Variants in CSN2 observed in about 807,000 individuals in gnomAD.
CSN2 encodes beta-casein.
In CSN2, 27 loss-of-function variants were observed where a neutral mutation model predicts 27.3. The ratio of observed to expected loss-of-function variants is 0.99; its 90% CI spans 0.73 to 1.36. CSN2 has a LOEUF of 1.36. Ranked by LOEUF, CSN2 falls within the 40% of genes most tolerant of loss-of-function variation. The pLI is 0.00. For synonymous variants in CSN2, 131 were observed against 94.8 expected (o/e 1.38, Z -2.22); for missense variants, 333 against 264.5 (o/e 1.26, Z -1.80).
chr4:69,959,684 C>A (rs2109744332), intron 3 of CSN2, among the ~76,000 whole-genome samples: 1 of 152,186 alleles, frequency 6.6e-6, no homozygotes, highest in East Asian at 1.9e-4. Flanking sequence ...TTAACTATCA[C>A]TGGCATCTCT....
chr4:69,957,281 G>A lies in CSN2; in HGVS notation c.668C>T (p.Pro223Leu). The A allele has an allele frequency of 6.5e-7, 1 of 1,542,948 alleles. No homozygotes were observed. Among genetic ancestry groups the A allele is most frequent in the Non-Finnish European group, 8.7e-7 (1 of 1,144,664 alleles). ...VTQPLAPVHN[P>L]ISV ...CAGTAAATTTGGACTTACACTAATG[G>A]GGTTATGAACTGGGGCAAGTGGCTG... Residue 223 changes from proline (P) to leucine (L), a missense_variant, in exon 6 of 8, where the codon CCC becomes CTC. Physicochemically the swap from Pro to Leu is moderately conservative, Grantham distance 98. Transcript: ENST00000353151.
chr4:69,957,178 T>A, intron 6 of CSN2, 96 bp downstream of exon 6: 1 of 1,252,630 alleles, frequency 8.0e-7, no homozygotes, highest in Non-Finnish European at 1.1e-6. Context: ...TTATCTAAAC[T>A]GTTTTTTTAA....
intron 1 of CSN2, among the ~76,000 whole-genome samples, chr4:69,962,204 G>T (rs937132457): frequency 6.6e-6 from 1 of 152,082 alleles, no homozygotes; most frequent in African/African-American, 2.4e-5. Context: ...AGCTACCAAT[G>T]ACTTTCTTCA....
In CSN2 at chr4:69,959,097, G is replaced by A. The variant is rs764077693; in HGVS notation, c.79-28C>T. ...ACAGAAAAATATAAAATAAAATTAG[G>A]TTTAGTTTTAACAATTCTTACTTTG... is the stretch of plus-strand genomic sequence containing the variant. On this transcript the variant is annotated intron_variant, in intron 3 of 7. Coordinates refer to ENST00000353151, the MANE Select transcript of CSN2 (RefSeq NM_001891.4). 5 of 1,275,966 alleles carry A rather than the reference G, an allele frequency of 3.9e-6. No individual in the cohort carries two copies. The East Asian group carries it at 1.0e-4, about 26-fold the overall frequency. 79.0% of individuals were successfully genotyped at this position (1,275,966 alleles called of 1,614,324 possible). A position where few individuals can be genotyped will look rare whatever the true frequency, so the allele number is the denominator to read the frequency against.
rs139725489 is a variant in CSN2, at chr4:69,957,753, A to G, written c.196T>C (p.Tyr66His). Residue 66 changes from tyrosine to histidine, a missense_variant, in exon 6 of 8, where the codon TAT becomes CAT. Physicochemically the swap from Tyr to His is moderately conservative, Grantham distance 83 (BLOSUM62 2). Coordinates refer to ENST00000353151, the MANE Select transcript of CSN2 (RefSeq NM_001891.4). ...YPSFQPQPLI[Y>H]PFVEPIPYGF... ...TAGGGGATAGGTTCAACGAATGGAT[A>G]GATCAGAGGCTGTGGCTGGAAAGAG... 2.9e-5 allele frequency: 47 copies of G among 1,613,858 alleles called. No homozygotes were observed. Among genetic ancestry groups the G allele is most frequent in the African/African-American group, 9.3e-5 (7 of 74,918 alleles).
At chr4:69,962,012 A>T (rs188411973) in intron 1 of CSN2, among the ~76,000 whole-genome samples, 1 of 152,200 alleles carries the variant, frequency 6.6e-6, no homozygotes, top group African/African-American at 2.4e-5. Context: ...AATCCCTAGG[A>T]ATCCAACTTA....
chr4:69,964,295 T>C (rs1723720697), intron 1 of CSN2, among the ~76,000 whole-genome samples: 1 of 152,140 alleles, frequency 6.6e-6, no homozygotes, highest in Admixed American at 6.6e-5. Flanking sequence ...TTGTGAAATA[T>C]ATGTTAATAT....
At chr4:69,961,087 T>G in intron 1 of CSN2, 80 bp from the exon 2 acceptor site, 1 of 857,696 alleles carries the variant, frequency 1.2e-6, no homozygotes, top group Non-Finnish European at 1.8e-6. Context: ...TTACTTTTTA[T>G]AAAACAAAAA....
chr4:69,956,689 C>CT (rs1045676493), intron 6 of CSN2, among the ~76,000 whole-genome samples: 6 of 151,818 alleles, frequency 4.0e-5, no homozygotes, highest in South Asian at 2.1e-4. Context: ...CATTTTTTAG[C>CT]TTTTTTTTCC....
At chr4:69,962,120 G>A (rs555716934) in intron 1 of CSN2, among the ~76,000 whole-genome samples, 13 of 152,200 alleles carry the variant, frequency 8.5e-5, no homozygotes, top group African/African-American at 2.9e-4. Flanking sequence ...CATGCTCATG[G>A]GTAGGAAGAA....
At chr4:69,958,175 A>G (rs1478477668) in intron 5 of CSN2, among the ~76,000 whole-genome samples, 1 of 152,148 alleles carries the variant, frequency 6.6e-6, no homozygotes, top group East Asian at 1.9e-4. Context: ...AATTGTTTTC[A>G]TACAGTGAAA....
At chr4:69,960,811 A>G in intron 2 of CSN2, 134 bp downstream of exon 2, 1 of 706,288 alleles carries the variant, frequency 1.4e-6, no homozygotes, top group South Asian at 2.3e-5. Flanking sequence ...AATGATTTTG[A>G]TAGAAGCCAA....
chr4:69,963,608 GAT>G (rs1723685359), intron 1 of CSN2, among the ~76,000 whole-genome samples: 1 of 151,918 alleles, frequency 6.6e-6, no homozygotes, highest in African/African-American at 2.4e-5. Context: ...AGTGGGGAGG[GAT>G]AGCATTAGGA....
At chr4:69,960,187 G>C in intron 2 of CSN2, 108 bp from the exon 3 acceptor site, 1 of 944,844 alleles carries the variant, frequency 1.1e-6, no homozygotes, top group Non-Finnish European at 1.7e-6. Flanking sequence ...CACCTCAGAG[G>C]ATGCATTGGA....
At chr4:69,960,447 G>A (rs1723537487) in intron 2 of CSN2, among the ~76,000 whole-genome samples, 2 of 150,524 alleles carry the variant, frequency 1.3e-5, no homozygotes. Context: ...TAAAAGAAGA[G>A]TCACTTTAAT....
intron 1 of CSN2, among the ~76,000 whole-genome samples, chr4:69,965,453 A>T (rs965659519): frequency 1.2e-4 from 14 of 121,406 alleles, no homozygotes; most frequent in Non-Finnish European, 2.1e-4. Context: ...TATGCATAAA[A>T]TTAGCTATTA....
At position 69,957,391 on chromosome 4, in the gene CSN2, G is replaced by A; in HGVS notation, c.558C>T (p.Tyr186=). ...CTTGAACAGGCACAGCTCTCTGAGG[G>A]TAGGGCACCACTTGCTGGGGGATAG... is the stretch of plus-strand genomic sequence containing the variant. ...VLPIPQQVVP[Y]PQRAVPVQAL... is the part of the protein sequence containing the mutation. Residue 186 remains tyrosine, a synonymous_variant, in exon 6 of 8, where the codon TAC becomes TAT. Coordinates refer to ENST00000353151, the MANE Select transcript of CSN2 (RefSeq NM_001891.4). 6.2e-7 allele frequency: 1 copy of A among 1,613,680 alleles called. No individual in the cohort carries two copies. Among genetic ancestry groups the A allele is most frequent in the Non-Finnish European group, 8.5e-7 (1 of 1,179,908 alleles).
At chr4:69,962,904 C>A (rs1017316826) in intron 1 of CSN2, among the ~76,000 whole-genome samples, 2 of 152,078 alleles carry the variant, frequency 1.3e-5, no homozygotes, top group African/African-American at 4.8e-5. Flanking sequence ...AAACAAACAA[C>A]CCCATCAAAA....
intron 1 of CSN2, among the ~76,000 whole-genome samples, chr4:69,965,147 T>A (rs1333673587): frequency 1.3e-5 from 2 of 151,264 alleles, no homozygotes; most frequent in Non-Finnish European, 3.0e-5. Flanking sequence ...TCTAGACAAG[T>A]TTGATGAGTA....
Sources: gnomAD v4.1 joint callset for allele counts (sites outside exome capture counted in the v4.1 genomes callset) on GRCh38, gnomAD v4.1.1 for gene constraint, MANE v1.5 for transcripts, NCBI Gene and HGNC (gene_info 2026-07-23, HGNC 2026-07-21) for gene names.